The following ACTR3C variants were observed in gnomAD, a reference collection of about 807,000 sequenced individuals.
The protein encoded by ACTR3C is actin related protein 3C.
Under a neutral mutation model 26.3 loss-of-function variants are expected in ACTR3C, and 18 were observed. The ratio of observed to expected loss-of-function variants is 0.68; its 90% CI spans 0.47 to 1.01. The LOEUF (loss-of-function observed/expected upper bound fraction) is 1.01, where lower values mean the gene tolerates loss of function less well. Among genes scored for constraint, ACTR3C ranks in the 50% least tolerant of loss-of-function variants. The probability of loss-of-function intolerance (pLI) is 0.00; values close to 1 mark genes in which losing one functional copy is unlikely to be tolerated. For synonymous variants in ACTR3C, 55 were observed against 94.5 expected (o/e 0.58, Z 2.42); for missense variants, 184 against 250.7 (o/e 0.73, Z 1.80).
the ACTR3C span, among the ~76,000 whole-genome samples, chr7:149,987,934 C>G: frequency 6.6e-6 from 1 of 152,172 alleles, no homozygotes; most frequent in Non-Finnish European, 1.5e-5. Flanking sequence ...AGAAAAAGAA[C>G]ATTTTCACAC....
At chr7:150,301,920 T>A (rs1405492016) in intron 1 of ACTR3C, among the ~76,000 whole-genome samples, 1 of 152,142 alleles carries the variant, frequency 6.6e-6, no homozygotes, top group Non-Finnish European at 1.5e-5. Context: ...TTTGGGAAGA[T>A]GAAAAGGCTT....
chr7:149,936,868 C>T, the ACTR3C span, among the ~76,000 whole-genome samples: 2 of 151,662 alleles, frequency 1.3e-5, no homozygotes, highest in African/African-American at 4.8e-5. Context: ...GGCTCACTGC[C>T]GCCTTGACCC....
the ACTR3C span, among the ~76,000 whole-genome samples, chr7:149,897,190 A>G: frequency 6.6e-6 from 1 of 152,172 alleles, no homozygotes; most frequent in Non-Finnish European, 1.5e-5. Flanking sequence ...ATGGCCAGAC[A>G]AAGGATTAAT....
At chr7:150,037,514 T>A in the ACTR3C span, among the ~76,000 whole-genome samples, 2 of 42,374 alleles carry the variant, frequency 4.7e-5, no homozygotes, top group Non-Finnish European at 1.0e-4. Context: ...AGGGGATAGC[T>A]CTCAGTCCCC....
intron 1 of ACTR3C, among the ~76,000 whole-genome samples, chr7:150,305,052 G>A (rs1372300290): frequency 6.6e-6 from 1 of 152,100 alleles, no homozygotes; most frequent in African/African-American, 2.4e-5. Context: ...AACATACTGG[G>A]ACTGGGAGCA....
At chr7:150,147,889 T>A in the ACTR3C span, among the ~76,000 whole-genome samples, 1 of 148,540 alleles carries the variant, frequency 6.7e-6, no homozygotes, top group Admixed American at 6.8e-5. Flanking sequence ...ATCCCAACAG[T>A]AGTGTAACAT....
At chr7:150,230,704 C>T in the ACTR3C span, among the ~76,000 whole-genome samples, 1 of 152,194 alleles carries the variant, frequency 6.6e-6, no homozygotes, top group Non-Finnish European at 1.5e-5. Context: ...TTATCTTCCA[C>T]AAAACCAGTC....
the ACTR3C span, among the ~76,000 whole-genome samples, chr7:150,017,778 C>A: frequency 6.7e-6 from 1 of 150,212 alleles, no homozygotes; most frequent in Non-Finnish European, 1.5e-5. Context: ...TCCCCAGAAT[C>A]ACTCACTCTA....
the ACTR3C span, among the ~76,000 whole-genome samples, chr7:149,995,638 TG>T: frequency 6.6e-6 from 1 of 152,246 alleles, no homozygotes; most frequent in Non-Finnish European, 1.5e-5. Context: ...TGATCTGAAC[TG>T]GAAATTACAG....
intron 6 of ACTR3C, among the ~76,000 whole-genome samples, chr7:150,284,126 GA>G (rs1336679064): frequency 6.6e-6 from 1 of 152,092 alleles, no homozygotes; most frequent in Non-Finnish European, 1.5e-5. Context: ...GAAACCAATG[GA>G]ATTCACGGAA....
the ACTR3C span, among the ~76,000 whole-genome samples, chr7:150,182,149 C>T: frequency 1.3e-5 from 2 of 150,464 alleles, 1 homozygote; most frequent in African/African-American, 5.0e-5. Flanking sequence ...CCCAACCATG[C>T]ATCACCAACA....
chr7:150,053,952 A>C, the ACTR3C span, among the ~76,000 whole-genome samples: 1 of 152,270 alleles, frequency 6.6e-6, no homozygotes. Flanking sequence ...TAACAAAATA[A>C]GAAAAGCCCA....
At chr7:150,158,299 A>C in the ACTR3C span, among the ~76,000 whole-genome samples, 7 of 152,092 alleles carry the variant, frequency 4.6e-5, no homozygotes, top group South Asian at 6.2e-4. Flanking sequence ...ACAAAAAAAT[A>C]AAAATCAAAA....
chr7:150,058,594 A>T, the ACTR3C span, among the ~76,000 whole-genome samples: 1 of 152,146 alleles, frequency 6.6e-6, no homozygotes, highest in Admixed American at 6.5e-5. Flanking sequence ...TGAGGATTTG[A>T]TGCTCAAAGT....
the ACTR3C span, among the ~76,000 whole-genome samples, chr7:150,110,309 C>T: frequency 6.6e-6 from 1 of 151,718 alleles, no homozygotes; most frequent in African/African-American, 2.4e-5. Context: ...TCTCTCTGCT[C>T]TCCTGGCTGT....
At chr7:149,923,869 G>A in the ACTR3C span, among the ~76,000 whole-genome samples, 1 of 151,810 alleles carries the variant, frequency 6.6e-6, no homozygotes, top group Non-Finnish European at 1.5e-5. Flanking sequence ...ATGGTGGTGG[G>A]TGCCTATAAT....
chr7:150,188,634 G>A, the ACTR3C span, among the ~76,000 whole-genome samples: 1 of 151,786 alleles, frequency 6.6e-6, no homozygotes, highest in African/African-American at 2.4e-5. Context: ...GAAGTGAGGG[G>A]AGGGGATTGG....
the ACTR3C span, among the ~76,000 whole-genome samples, chr7:150,016,548 G>A: frequency 6.6e-6 from 1 of 151,932 alleles, no homozygotes; most frequent in African/African-American, 2.4e-5. Context: ...CCATCAAGAC[G>A]GGTATGGATA....
At chr7:150,180,562 G>C in the ACTR3C span, among the ~76,000 whole-genome samples, 7 of 144,242 alleles carry the variant, frequency 4.9e-5, no homozygotes, top group South Asian at 1.5e-3. Flanking sequence ...GCCCAGGCTG[G>C]AGTGCAGTGG....
Sources: gnomAD v4.1 joint callset for allele counts (sites outside exome capture counted in the v4.1 genomes callset) on GRCh38, gnomAD v4.1.1 for gene constraint, MANE v1.5 for transcripts, NCBI Gene and HGNC (gene_info 2026-07-23, HGNC 2026-07-21) for gene names.